The following NEURL4 variants were observed in gnomAD, a reference collection of about 807,000 sequenced individuals.
NEURL4 encodes the protein neuralized-like protein 4.
A neutral mutation model predicts 148.0 loss-of-function variants in NEURL4; 45 were observed. That is an observed-to-expected ratio of 0.30 (90% CI 0.24 to 0.39). The LOEUF (loss-of-function observed/expected upper bound fraction) is 0.39. Among genes scored for constraint, NEURL4 ranks in the 10% least tolerant of loss-of-function variants. The pLI is 1.00. For missense variants in NEURL4, 1,776 were observed against 2,144.0 expected (o/e 0.83, Z 3.39); for synonymous variants, 854 against 869.0 (o/e 0.98, Z 0.30).
rs2073050484 is a variant in NEURL4 at position 7,322,792 on chromosome 17, T to C, written c.2668A>G (p.Asn890Asp). ...SITNATGPMD[N>D]SLATSNTATE... is the part of the protein sequence containing the mutation. ...GCAGTGTTGCTGGTCGCCAGGCTGT[T>C]GTCCATGGGGCCGGTGGCATTGGTG... is the stretch of plus-strand genomic sequence containing the variant. The change falls in exon 16 of 29, where the codon AAC becomes GAC. Residue 890 changes from asparagine to aspartate, a missense_variant. Asn to Asp is a conservative substitution (Grantham distance 23). Coordinates refer to ENST00000399464, the MANE Select transcript of NEURL4 (RefSeq NM_032442.3). The surrounding 1 kb of genome is among the most constrained non-coding windows in gnomAD (Gnocchi z 5.5). 6.2e-7 allele frequency: 1 copy of C among 1,614,058 alleles called. No homozygotes were observed. Among genetic ancestry groups the C allele is most frequent in the Non-Finnish European group, 8.5e-7 (1 of 1,180,008 alleles).
chr17:7,321,073 C>T lies in NEURL4; in HGVS notation c.3360+39G>A. The T allele has an allele frequency of 6.2e-7, 1 of 1,604,246 alleles. No homozygotes were observed. Among genetic ancestry groups the T allele is most frequent in the South Asian group, 1.1e-5 (1 of 90,640 alleles). On this transcript the variant is annotated intron_variant, in intron 20 of 28. Coordinates refer to ENST00000399464, the MANE Select transcript of NEURL4 (RefSeq NM_032442.3). The surrounding 1 kb of genome is among the most constrained non-coding windows in gnomAD (Gnocchi z 6.3). ...TGGCATCCAACGGCCCAGCAACTGC[C>T]CATCCATGTGCACAGCAGACCATGC...
At position 7,326,361 on chromosome 17, in the gene NEURL4, C is replaced by G; in HGVS notation, c.1205-18G>C. 1 of 1,614,130 alleles carries G rather than the reference C, an allele frequency of 6.2e-7. No homozygotes were observed. ...GATGGTGCCTGGGTGATAGTGGACACTTGGGTTCGGGTACGGGGCTTCCTT... is the reference window on the plus strand; with the variant it reads ...GATGGTGCCTGGGTGATAGTGGACAGTTGGGTTCGGGTACGGGGCTTCCTT... On this transcript the variant is annotated intron_variant, in intron 5 of 28. Coordinates refer to ENST00000399464, the MANE Select transcript of NEURL4 (RefSeq NM_032442.3). This position sits in a 1 kb window ranked among gnomAD's most constrained non-coding sequence, Gnocchi z 6.0.
rs367714357 is a variant in NEURL4, at chr17:7,321,242, G to A, written c.3230C>T (p.Pro1077Leu). ...ACTGACAATTGACACACCGCGGACT[G>A]GCCCGTAGAGATCCAACACAGCCCA... ...NVWAVLDLYG[P>L]VRGVSIVSST... Residue 1077 changes from proline to leucine, a missense_variant, in exon 20 of 29, where the codon CCA (proline) becomes CTA (leucine). Coordinates refer to ENST00000399464, the MANE Select transcript of NEURL4 (RefSeq NM_032442.3). This position sits in a 1 kb window ranked among gnomAD's most constrained non-coding sequence, Gnocchi z 6.3. The A allele has an allele frequency of 4.3e-6, 7 of 1,613,936 alleles. No homozygotes were observed. In the East Asian group the frequency reaches 8.9e-5, roughly 21 times the overall value.
rs766260646 is a variant in NEURL4, at chr17:7,327,188, G to T, written c.770C>A (p.Pro257His). 9.4e-5 allele frequency: 152 copies of T among 1,612,404 alleles called. No individual in the cohort carries two copies. The highest frequency in any genetic ancestry group is 1.3e-4 in the Non-Finnish European group (149 of 1,179,878). The change falls in exon 3 of 29, where the codon CCT becomes CAT. Residue 257 changes from proline (P) to histidine (H), a missense_variant. Transcript: ENST00000399464. This position sits in a 1 kb window ranked among gnomAD's most constrained non-coding sequence, Gnocchi z 6.6. The part of the protein sequence containing the change: ...SPAQARPETF[P>H]NSLESHNDFA... ...ACCATTATGCGACTCAAGGCTGTTAGGAAACGTCTCCGGCCGGGCCTGCGC... is the reference window on the plus strand; with the variant it reads ...ACCATTATGCGACTCAAGGCTGTTATGAAACGTCTCCGGCCGGGCCTGCGC...
At position 7,317,939 on chromosome 17, in the gene NEURL4, G is replaced by A; in HGVS notation, c.4061-7C>T. ...GGAGGCATGAAATAATCTTCTGCGG[G>A]ACAGTGAGTAGCAGGCTTGGTGCTG... On this transcript the variant is annotated splice_region_variant and splice_polypyrimidine_tract_variant and intron_variant, in intron 25 of 28. Transcript: ENST00000399464. 1 of 1,614,192 alleles carries A rather than the reference G, an allele frequency of 6.2e-7. No homozygotes were observed. The highest frequency in any genetic ancestry group is 8.5e-7 in the Non-Finnish European group (1 of 1,180,016).
intron 27 of NEURL4, 24 bp downstream of exon 27, chr17:7,317,437 T>C (rs763774530): frequency 6.2e-7 from 1 of 1,612,950 alleles, no homozygotes; most frequent in East Asian, 2.2e-5. Context: ...TCAGCCCACC[T>C]TGCATGGGCC....
At chr17:7,328,897 C>CTT in intron 1 of NEURL4, 134 bp downstream of exon 1, 1 of 788,312 alleles carries the variant, frequency 1.3e-6, no homozygotes, top group Non-Finnish European at 1.9e-6. Flanking sequence ...CCTGACCGCC[C>CTT]CCTGGTGCTC....
Position 7,322,079 on chromosome 17 carries a change from A to G in NEURL4, c.2726-69T>C. The G allele has an allele frequency of 6.6e-7, 1 of 1,507,308 alleles. No homozygotes were observed. Among genetic ancestry groups the G allele is most frequent in the Non-Finnish European group, 8.8e-7 (1 of 1,131,664 alleles). 93.4% of individuals were successfully genotyped at this position (1,507,308 alleles called of 1,614,324 possible). A position where few individuals can be genotyped will look rare whatever the true frequency, so the allele number is the denominator to read the frequency against. On this transcript the variant is annotated intron_variant, in intron 16 of 28. Coordinates refer to ENST00000399464, the MANE Select transcript of NEURL4 (RefSeq NM_032442.3). This position sits in a 1 kb window ranked among gnomAD's most constrained non-coding sequence, Gnocchi z 5.5. Reference sequence around the variant, plus strand: ...CGAGCTTCAGGCAGAACACAGAGCAAAGCTTTCAGATGAAACGAAATGGGG... The same window carrying G: ...CGAGCTTCAGGCAGAACACAGAGCAGAGCTTTCAGATGAAACGAAATGGGG...
rs1333938393 is a variant in NEURL4, at chr17:7,317,385, G to A, written c.4319-15C>T. The A allele has an allele frequency of 6.3e-7, 1 of 1,593,166 alleles. No homozygotes were observed. Among genetic ancestry groups the A allele is most frequent in the Non-Finnish European group, 8.6e-7 (1 of 1,167,936 alleles). On this transcript the variant is annotated splice_polypyrimidine_tract_variant and intron_variant, in intron 27 of 28. Coordinates refer to ENST00000399464, the MANE Select transcript of NEURL4 (RefSeq NM_032442.3). ...GGAGGCAGTACCTGGGAGGAGAACT[G>A]GGTCAGGATAGCCCTTTTTATTCCT...
chr17:7,318,560 C>G lies in NEURL4; in HGVS notation c.3799G>C (p.Val1267Leu). 6.2e-7 allele frequency: 1 copy of G among 1,613,604 alleles called. No individual in the cohort carries two copies. Among genetic ancestry groups the G allele is most frequent in the Non-Finnish European group, 8.5e-7 (1 of 1,179,784 alleles). The part of the protein sequence containing the change: ...HLHVNGVDQG[V>L]AVPDVPQPCH... ...GGCTGGGGCACATCTGGCACAGCTA[C>G]CCCCTGGTCCACCCCATTAACATGA... The change falls in exon 23 of 29, where the codon GTA (valine) becomes CTA (leucine). Residue 1267 changes from valine to leucine, a missense_variant. Physicochemically the swap from Val to Leu is conservative, Grantham distance 32 (BLOSUM62 1). Coordinates refer to ENST00000399464, the MANE Select transcript of NEURL4 (RefSeq NM_032442.3). The surrounding 1 kb of genome is among the most constrained non-coding windows in gnomAD (Gnocchi z 4.3).
chr17:7,319,403 T>TAAAA (rs71157274), intron 21 of NEURL4, among the ~76,000 whole-genome samples, 195 bp from the exon 22 acceptor site: 1 of 131,372 alleles, frequency 7.6e-6, no homozygotes, highest in Non-Finnish European at 1.5e-5. Context: ...TTTTTTTTTT[T>TAAAA]AAAAAAAAGA....
At position 7,318,410 on chromosome 17, in the gene NEURL4, A is replaced by G; in HGVS notation, c.3865-54T>C. ...CTTGGTCAGACCCCAGGGCCTGCTG[A>G]TCCCTCCCTGGAACAGAGATTTCCC... On this transcript the variant is annotated intron_variant, in intron 23 of 28. Transcript: ENST00000399464. The surrounding 1 kb of genome is among the most constrained non-coding windows in gnomAD (Gnocchi z 4.3). 6.2e-7 allele frequency: 1 copy of G among 1,611,424 alleles called. No homozygotes were observed. The highest frequency in any genetic ancestry group is 8.5e-7 in the Non-Finnish European group (1 of 1,177,886).
chr17:7,326,805 T>A lies in NEURL4; in HGVS notation c.998A>T (p.Asn333Ile). The part of the protein sequence containing the change: ...KCGTLIKLSN[N>I]NKTAERRRPL... ...CCGCCGGCGCTCAGCCGTCTTATTA[T>A]TGTTGCTGAGTTTGATGAGGGTCCC... The change falls in exon 4 of 29, where the codon AAT (asparagine) becomes ATT (isoleucine). Residue 333 changes from asparagine (N) to isoleucine (I), a missense_variant. Coordinates refer to ENST00000399464, the MANE Select transcript of NEURL4 (RefSeq NM_032442.3). This position sits in a 1 kb window ranked among gnomAD's most constrained non-coding sequence, Gnocchi z 6.0. 1 of 1,613,362 alleles carries A rather than the reference T, an allele frequency of 6.2e-7. No homozygotes were observed. The highest frequency in any genetic ancestry group is 8.5e-7 in the Non-Finnish European group (1 of 1,179,820).
Position 7,318,371 on chromosome 17 carries a change from G to A in NEURL4, c.3865-15C>T. The A allele has an allele frequency of 6.2e-7, 1 of 1,613,702 alleles. No homozygotes were observed. Among genetic ancestry groups the A allele is most frequent in the East Asian group, 2.2e-5 (1 of 44,876 alleles). The stretch of plus-strand genomic sequence containing the variant: ...ACGATTGTCACCTGCAGGGGAGAGG[G>A]TAGTCAGACAGAGCTTGGTCAGACC... On this transcript the variant is annotated splice_polypyrimidine_tract_variant and intron_variant, in intron 23 of 28. Coordinates refer to ENST00000399464, the MANE Select transcript of NEURL4 (RefSeq NM_032442.3). The surrounding 1 kb of genome is among the most constrained non-coding windows in gnomAD (Gnocchi z 4.3).
At chr17:7,317,596 A>G in intron 26 of NEURL4, 23 bp from the exon 27 acceptor site, 1 of 1,610,016 alleles carries the variant, frequency 6.2e-7, no homozygotes, top group Non-Finnish European at 8.5e-7. Context: ...CAAGCGGGGC[A>G]GATACAACGA....
In NEURL4 at chr17:7,317,337, T is replaced by G; in HGVS notation, c.4352A>C (p.Lys1451Thr). Residue 1451 changes from lysine to threonine, a missense_variant, in exon 28 of 29, where the codon AAG (lysine) becomes ACG (threonine). Coordinates refer to ENST00000399464, the MANE Select transcript of NEURL4 (RefSeq NM_032442.3). ...TASILSCRPL[K>T]GEPGVGFEEP... ...CTCGAACCCTACCCCAGGTTCTCCC[T>G]TCAAAGGACGGCAGCTCAGGATGGA... The G allele has an allele frequency of 6.5e-7, 1 of 1,549,838 alleles. No individual in the cohort carries two copies. The highest frequency in any genetic ancestry group is 8.7e-7 in the Non-Finnish European group (1 of 1,146,632).
At chr17:7,316,924 A>T (rs1258444244) in intron 28 of NEURL4, among the ~76,000 whole-genome samples, 2 of 152,170 alleles carry the variant, frequency 1.3e-5, no homozygotes, top group Non-Finnish European at 1.5e-5. Context: ...CTCAAAAAAA[A>T]TAAAAATAAA....
Position 7,322,864 on chromosome 17 carries a change from C to A in NEURL4, c.2596G>T (p.Val866Leu). ...ACSGLPPGKE[V>L]YAVVDLYGQC... Reference sequence around the variant, plus strand: ...CCATAGAGATCGACTACCGCATACACCTCTGGGGAGGAGAGGGAAGGTCAG... The same window carrying A: ...CCATAGAGATCGACTACCGCATACAACTCTGGGGAGGAGAGGGAAGGTCAG... Residue 866 changes from valine to leucine, a missense_variant and splice_region_variant, in exon 16 of 29, where the codon GTG becomes TTG. Val to Leu is a conservative substitution (Grantham distance 32). Transcript: ENST00000399464. This position sits in a 1 kb window ranked among gnomAD's most constrained non-coding sequence, Gnocchi z 5.5. 1 of 1,613,112 alleles carries A rather than the reference C, an allele frequency of 6.2e-7. No individual in the cohort carries two copies. The highest frequency in any genetic ancestry group is 8.5e-7 in the Non-Finnish European group (1 of 1,179,190).
At chr17:7,316,933 A>T (rs1263834324) in intron 28 of NEURL4, among the ~76,000 whole-genome samples, 4 of 152,160 alleles carry the variant, frequency 2.6e-5, no homozygotes, top group Non-Finnish European at 5.9e-5. Flanking sequence ...AATAAAAATA[A>T]AAATAAATAA....
Sources: allele counts gnomAD v4.1 joint callset (sites outside exome capture counted in the v4.1 genomes callset), GRCh38; gene constraint gnomAD v4.1.1; non-coding constraint Gnocchi (gnomAD v3.1); transcripts MANE v1.5; gene names NCBI Gene and HGNC (gene_info 2026-07-23, HGNC 2026-07-21).